RGS6: variants seen among roughly 807,000 people sequenced by gnomAD.
RGS6 encodes regulator of G-protein signaling 6.
In RGS6, 30 loss-of-function variants were observed where a neutral mutation model predicts 78.5. The observed-to-expected ratio is 0.38, with a 90% CI of 0.29 to 0.52. RGS6 has a LOEUF of 0.52. RGS6 is among the 20% of genes least tolerant of loss of function. The pLI is 0.85. For synonymous variants in RGS6, 206 were observed against 206.0 expected (o/e 1.00, Z 0.00); for missense variants, 495 against 609.7 (o/e 0.81, Z 1.98).
At chr14:72,241,168 A>C (rs901785608) in intron 2 of RGS6, among the ~76,000 whole-genome samples, 3 of 151,782 alleles carry the variant, frequency 2.0e-5, no homozygotes, top group Admixed American at 6.6e-5. Flanking sequence ...AAAAAAAAAA[A>C]AAACAAAACT....
At chr14:71,938,116 GATT>G (rs1207814623) in intron 1 of RGS6, among the ~76,000 whole-genome samples, 1 of 152,184 alleles carries the variant, frequency 6.6e-6, no homozygotes, top group Non-Finnish European at 1.5e-5. Flanking sequence ...CTATTCACCT[GATT>G]ATTAAACTCC....
intron 2 of RGS6, among the ~76,000 whole-genome samples, chr14:72,082,872 C>G (rs941297984): frequency 2.6e-5 from 4 of 151,992 alleles, no homozygotes; most frequent in African/African-American, 9.7e-5. Context: ...GCTTTTGGCT[C>G]CAAGTTACAA....
At chr14:72,623,602 C>A in the RGS6 span, among the ~76,000 whole-genome samples, 1 of 152,066 alleles carries the variant, frequency 6.6e-6, no homozygotes, top group Non-Finnish European at 1.5e-5. Context: ...TATTGAAGAG[C>A]AAGATTTTGT....
At chr14:72,490,268 C>T (rs2096560611) in intron 12 of RGS6, among the ~76,000 whole-genome samples, 1 of 152,222 alleles carries the variant, frequency 6.6e-6, no homozygotes, top group African/African-American at 2.4e-5. Flanking sequence ...TCTTTGCCTG[C>T]TGCCATCCAT....
the RGS6 span, among the ~76,000 whole-genome samples, chr14:71,884,733 C>A: frequency 2.6e-5 from 4 of 152,226 alleles, no homozygotes; most frequent in African/African-American, 7.2e-5. Flanking sequence ...TGTTTTCCAC[C>A]TTTGCATGCC....
chr14:72,447,725 G>A (rs916270772), intron 3 of RGS6, among the ~76,000 whole-genome samples: 3 of 152,094 alleles, frequency 2.0e-5, no homozygotes, highest in South Asian at 2.1e-4. Context: ...TTTTTGAGAC[G>A]GAGTTTCGCT....
At chr14:72,106,297 C>T (rs1411087568) in intron 2 of RGS6, among the ~76,000 whole-genome samples, 1 of 152,192 alleles carries the variant, frequency 6.6e-6, no homozygotes, top group Non-Finnish European at 1.5e-5. Context: ...AAAATATGGT[C>T]TCCAGATCAG....
chr14:72,329,043 T>G (rs2074404358), intron 2 of RGS6, among the ~76,000 whole-genome samples: 1 of 152,122 alleles, frequency 6.6e-6, no homozygotes. Flanking sequence ...GGCTAATTTT[T>G]TATATTTTTT....
At chr14:71,876,181 T>C in the RGS6 span, among the ~76,000 whole-genome samples, 3 of 152,138 alleles carry the variant, frequency 2.0e-5, no homozygotes, top group Non-Finnish European at 4.4e-5. Context: ...CACAGCTGAG[T>C]TCAATTCCTG....
At chr14:72,148,590 GA>G (rs2096640137) in intron 2 of RGS6, among the ~76,000 whole-genome samples, 1 of 152,132 alleles carries the variant, frequency 6.6e-6, no homozygotes, top group African/African-American at 2.4e-5. Context: ...ACCCCTTAAA[GA>G]AAGAGATATG....
intron 3 of RGS6, among the ~76,000 whole-genome samples, chr14:72,414,332 T>C (rs2093647775): frequency 1.3e-5 from 2 of 152,270 alleles, no homozygotes; most frequent in Non-Finnish European, 2.9e-5. Context: ...TCATTGATGA[T>C]ATCCTTTCTT....
At chr14:72,044,069 C>T (rs1257160486) in intron 2 of RGS6, among the ~76,000 whole-genome samples, 1 of 152,190 alleles carries the variant, frequency 6.6e-6, no homozygotes, top group East Asian at 1.9e-4. Flanking sequence ...CTGATTCTTT[C>T]TTCAGCCATG....
intron 2 of RGS6, among the ~76,000 whole-genome samples, chr14:72,147,991 C>T (rs895334383): frequency 6.6e-6 from 1 of 151,874 alleles, no homozygotes; most frequent in African/African-American, 2.4e-5. Flanking sequence ...ATTAGCTGGG[C>T]ATGGTGGCAG....
intron 2 of RGS6, among the ~76,000 whole-genome samples, chr14:71,979,297 T>C (rs938861902): frequency 6.7e-6 from 1 of 148,390 alleles, no homozygotes; most frequent in African/African-American, 2.5e-5. Context: ...ATTTCTTGCC[T>C]TCTGCTAGCT....
chr14:72,031,128 T>C (rs1028989353), intron 2 of RGS6, among the ~76,000 whole-genome samples: 4 of 152,066 alleles, frequency 2.6e-5, no homozygotes, highest in Non-Finnish European at 5.9e-5. Flanking sequence ...GGAGATCATG[T>C]TCATTCAAAG....
At chr14:72,086,270 C>T (rs1409673047) in intron 2 of RGS6, among the ~76,000 whole-genome samples, 2 of 152,166 alleles carry the variant, frequency 1.3e-5, no homozygotes, top group Non-Finnish European at 2.9e-5. Context: ...GTTTGCTCGA[C>T]ACCTGTGCCC....
intron 2 of RGS6, among the ~76,000 whole-genome samples, chr14:72,275,982 A>T (rs2060608061): frequency 6.6e-6 from 1 of 152,106 alleles, no homozygotes; most frequent in African/African-American, 2.4e-5. Context: ...GACTTTGGGG[A>T]CTGGGACTGG....
chr14:72,051,842 A>C (rs1158235886), intron 2 of RGS6, among the ~76,000 whole-genome samples: 1 of 152,220 alleles, frequency 6.6e-6, no homozygotes, highest in East Asian at 1.9e-4. Flanking sequence ...CCAACATAGT[A>C]AAACAGAGCG....
intron 2 of RGS6, among the ~76,000 whole-genome samples, chr14:72,312,925 C>CT (rs1382816323): frequency 3.9e-5 from 6 of 152,296 alleles, no homozygotes; most frequent in Non-Finnish European, 8.8e-5. Flanking sequence ...GGAGACTTTG[C>CT]TTTTTTGGAG....
Sources: gnomAD v4.1 joint callset for allele counts (sites outside exome capture counted in the v4.1 genomes callset) on GRCh38, gnomAD v4.1.1 for gene constraint, MANE v1.5 for transcripts, NCBI Gene and HGNC (gene_info 2026-07-23, HGNC 2026-07-21) for gene names.